The following NME7 variants were observed in gnomAD, a reference collection of about 807,000 sequenced individuals.
The protein encoded by NME7 is NME/NM23 family member 7.
A neutral mutation model predicts 49.1 loss-of-function variants in NME7; 41 were observed. That is an observed-to-expected ratio of 0.83 (90% CI 0.65 to 1.08). NME7 has a LOEUF of 1.08. Ranked by LOEUF, NME7 falls within the 50% of genes least tolerant of loss-of-function variation. The pLI, the probability that NME7 is intolerant of heterozygous loss-of-function variation, is 0.00. For synonymous variants in NME7, 139 were observed against 150.6 expected (o/e 0.92, Z 0.56); for missense variants, 423 against 463.4 (o/e 0.91, Z 0.80).
At chr1:169,139,781 A>G (rs1357372897) in intron 11 of NME7, among the ~76,000 whole-genome samples, 1 of 152,234 alleles carries the variant, frequency 6.6e-6, no homozygotes, top group African/African-American at 2.4e-5. Context: ...CCAGCTTATC[A>G]GATGATAGCA....
chr1:169,324,744 C>T (rs1651995487), intron 1 of NME7, among the ~76,000 whole-genome samples: 1 of 152,220 alleles, frequency 6.6e-6, no homozygotes, highest in African/African-American at 2.4e-5. Flanking sequence ...TTTTACTTTA[C>T]AGCCATCTAA....
chr1:169,314,709 T>C (rs1651543894), intron 3 of NME7, among the ~76,000 whole-genome samples: 1 of 151,986 alleles, frequency 6.6e-6, no homozygotes, highest in Non-Finnish European at 1.5e-5. Context: ...GGCACATGTA[T>C]ACCTATGTAA....
In NME7 at chr1:169,287,367, C is replaced by G. The variant is rs373271409; in HGVS notation, c.690G>C (p.Pro230=). 9 of 1,606,268 alleles carry G rather than the reference C, an allele frequency of 5.6e-6. No homozygotes were observed. The highest frequency in any genetic ancestry group is 7.6e-6 in the Non-Finnish European group (9 of 1,177,118). The part of the protein sequence containing the change: ...LFFPSSGGCG[P]ANTAKFTNCT... ...AATTAGTAAATTTAGCAGTGTTTGC[C>G]GGCCCACAACCTCCACTTGAAGGAA... The change falls in exon 7 of 12, where the codon CCG becomes CCC. Residue 230 remains proline, a synonymous_variant. Coordinates refer to ENST00000367811, the MANE Select transcript of NME7 (RefSeq NM_013330.5).
chr1:169,356,416 T>C (rs1215374888), intron 1 of NME7, among the ~76,000 whole-genome samples: 4 of 152,074 alleles, frequency 2.6e-5, no homozygotes, highest in Non-Finnish European at 4.4e-5. Flanking sequence ...TGAGGTGTCA[T>C]TTGAACATAC....
chr1:169,365,633 G>T (rs1391524307), intron 1 of NME7, among the ~76,000 whole-genome samples: 1 of 152,146 alleles, frequency 6.6e-6, no homozygotes, highest in Non-Finnish European at 1.5e-5. Context: ...AGGAACTTGT[G>T]TGCCATTCTA....
At chr1:169,278,981 G>C (rs189178861) in intron 7 of NME7, among the ~76,000 whole-genome samples, 1 of 152,264 alleles carries the variant, frequency 6.6e-6, no homozygotes, top group African/African-American at 2.4e-5. Context: ...TATCAGCAGC[G>C]GTGTCTGCAG....
chr1:169,229,823 G>A (rs534288060), intron 10 of NME7, among the ~76,000 whole-genome samples: 220 of 152,062 alleles, frequency 1.4e-3, no homozygotes, highest in Non-Finnish European at 2.5e-3. Flanking sequence ...TTAGCCAGGC[G>A]GGGTGGCACA....
chr1:169,208,972 A>G (rs1660745242), intron 10 of NME7, among the ~76,000 whole-genome samples: 1 of 152,104 alleles, frequency 6.6e-6, no homozygotes, highest in Non-Finnish European at 1.5e-5. Flanking sequence ...ATTTTAGTCA[A>G]TTAATTCCAT....
At chr1:169,327,584 A>G (rs1652104878) in intron 1 of NME7, among the ~76,000 whole-genome samples, 1 of 152,180 alleles carries the variant, frequency 6.6e-6, no homozygotes, top group Non-Finnish European at 1.5e-5. Context: ...TTCCTAGAGC[A>G]CCAGTCTTAC....
chr1:169,288,336 T>C (rs564183016), intron 6 of NME7, among the ~76,000 whole-genome samples: 1 of 152,252 alleles, frequency 6.6e-6, no homozygotes, highest in East Asian at 1.9e-4. Context: ...ACACAAGGGA[T>C]TGGTACTCAA....
chr1:169,211,810 G>A (rs1455449333), intron 10 of NME7, among the ~76,000 whole-genome samples: 1 of 152,104 alleles, frequency 6.6e-6, no homozygotes, highest in Non-Finnish European at 1.5e-5. Flanking sequence ...CCAAACCTCT[G>A]ACTTGTAAAT....
intron 9 of NME7, among the ~76,000 whole-genome samples, chr1:169,233,335 A>C (rs1313706337): frequency 6.6e-6 from 1 of 152,126 alleles, no homozygotes; most frequent in Non-Finnish European, 1.5e-5. Context: ...ACCCTCTTGA[A>C]TAGGAAAGAA....
intron 7 of NME7, among the ~76,000 whole-genome samples, chr1:169,251,628 T>C (rs1648620792): frequency 6.7e-6 from 1 of 149,532 alleles, no homozygotes; most frequent in Non-Finnish European, 1.5e-5. Flanking sequence ...GTTACATATG[T>C]ATACATGTGC....
intron 10 of NME7, among the ~76,000 whole-genome samples, chr1:169,196,072 A>G (rs541652349): frequency 6.6e-6 from 1 of 152,226 alleles, no homozygotes; most frequent in South Asian, 2.1e-4. Context: ...GAGGTAACTA[A>G]GTACCAATTT....
chr1:169,299,936 A>G (rs532085034), intron 5 of NME7, among the ~76,000 whole-genome samples: 1 of 152,250 alleles, frequency 6.6e-6, no homozygotes, highest in South Asian at 2.1e-4. Context: ...AATTGCCTAT[A>G]ACATATCAGC....
At chr1:169,292,608 G>C (rs1650547899) in intron 6 of NME7, among the ~76,000 whole-genome samples, 1 of 152,106 alleles carries the variant, frequency 6.6e-6, no homozygotes, top group Non-Finnish European at 1.5e-5. Flanking sequence ...GGCTGGAGGA[G>C]GGGCTGGGAG....
intron 7 of NME7, among the ~76,000 whole-genome samples, chr1:169,240,845 A>C (rs1007157267): frequency 1.2e-4 from 19 of 152,036 alleles, no homozygotes; most frequent in Admixed American, 5.9e-4. Context: ...CAGTTTTCCA[A>C]GGTTCTAAGT....
intron 7 of NME7, 62 bp downstream of exon 7, chr1:169,287,241 C>A: frequency 7.8e-7 from 1 of 1,288,572 alleles, no homozygotes; most frequent in East Asian, 2.4e-5. Flanking sequence ...TAAAGTACAT[C>A]AAGAAAATAA....
chr1:169,246,484 C>G (rs1212765229), intron 7 of NME7, among the ~76,000 whole-genome samples: 1 of 152,204 alleles, frequency 6.6e-6, no homozygotes, highest in Non-Finnish European at 1.5e-5. Flanking sequence ...CAATAGATTT[C>G]TGATCCTCCA....
Sources: gnomAD v4.1 joint callset for allele counts (sites outside exome capture counted in the v4.1 genomes callset) on GRCh38, gnomAD v4.1.1 for gene constraint, MANE v1.5 for transcripts, NCBI Gene and HGNC (gene_info 2026-07-23, HGNC 2026-07-21) for gene names.